The following KCNK3 variants were observed in gnomAD, a reference collection of about 807,000 sequenced individuals.
KCNK3 encodes potassium two pore domain channel subfamily K member 3, also known as potassium channel subfamily K member 3.
A neutral mutation model predicts 27.3 loss-of-function variants in KCNK3; 9 were observed. The ratio of observed to expected loss-of-function variants is 0.33; its 90% CI spans 0.20 to 0.57. The LOEUF is 0.57. KCNK3 is among the 20% of genes least tolerant of loss of function. The pLI, the probability that KCNK3 is intolerant of heterozygous loss-of-function variation, is 0.87. For synonymous variants in KCNK3, 278 were observed against 273.8 expected (o/e 1.02, Z -0.15); for missense variants, 391 against 577.7 (o/e 0.68, Z 3.31).
intron 1 of KCNK3, among the ~76,000 whole-genome samples, chr2:26,705,593 A>G (rs1670362788): frequency 6.6e-6 from 1 of 152,112 alleles, no homozygotes; most frequent in South Asian, 2.1e-4. Context: ...CCCCCTTGAC[A>G]GTGGCAGAAA....
In KCNK3 at chr2:26,702,489, GCT is replaced by G. The variant is rs566043223; in HGVS notation, c.283+9334_283+9335del. Among the ~76,000 whole-genome samples the G allele has an allele frequency of 2.0e-3, 310 of 152,284 alleles. 2 individuals carry two copies. Among genetic ancestry groups the G allele is most frequent in the Middle Eastern group, 0.014 (4 of 294 alleles). Reference sequence around the variant, plus strand: ...ATTGTGAGGTGAAAGAACCAATCTTGCTCTGAGTGTGTCCAAGGGGTTGAACC... The same window carrying G: ...ATTGTGAGGTGAAAGAACCAATCTTGCTGAGTGTGTCCAAGGGGTTGAACC... On this transcript the variant is annotated intron_variant, in intron 1 of 1. Transcript: ENST00000302909.
chr2:26,718,260 C>G (rs964372166), intron 1 of KCNK3, among the ~76,000 whole-genome samples: 2 of 152,148 alleles, frequency 1.3e-5, no homozygotes, highest in Non-Finnish European at 2.9e-5. Context: ...TGAGCACAGC[C>G]CTCCCCTGCT....
In KCNK3 at chr2:26,693,322, C is replaced by T. The variant is rs908780971; in HGVS notation, c.283+164C>T. ...AGTTCAGCCTGGCGTGTGTGCTCCG[C>T]GGGGACGGAACTCGGGGAGGCGTCG... On this transcript the variant is annotated intron_variant, in intron 1 of 1. Coordinates refer to ENST00000302909, the MANE Select transcript of KCNK3 (RefSeq NM_002246.3). This position sits in a 1 kb window ranked among gnomAD's most constrained non-coding sequence, Gnocchi z 5.5. Among the ~76,000 whole-genome samples, 1 of 152,152 alleles carries T rather than the reference C, an allele frequency of 6.6e-6. No homozygotes were observed. The highest frequency in any genetic ancestry group is 2.4e-5 in the African/African-American group (1 of 41,450).
Position 26,707,142 on chromosome 2 carries a change from C to A in KCNK3, c.283+13984C>A, listed in dbSNP as rs573060402. 2.0e-5 allele frequency among the ~76,000 whole-genome samples: 3 copies of A among 152,304 alleles called. No homozygotes were observed. In the East Asian group the frequency reaches 5.8e-4, roughly 29 times the overall value. On this transcript the variant is annotated intron_variant, in intron 1 of 1. Transcript: ENST00000302909. ...AAGTCACCCCTTGCTGGAAAGAGAG[C>A]ATTCTTGAGTGTGGCCGAGGTCCTG... is the stretch of plus-strand genomic sequence containing the variant.
intron 1 of KCNK3, among the ~76,000 whole-genome samples, chr2:26,698,847 G>A (rs1195602923): frequency 6.6e-6 from 1 of 152,120 alleles, no homozygotes; most frequent in Non-Finnish European, 1.5e-5. Context: ...TGTAATCCCA[G>A]CACTTTGGGA....
intron 1 of KCNK3, among the ~76,000 whole-genome samples, chr2:26,708,315 TGAG>T (rs1326118911): frequency 2.0e-5 from 3 of 151,888 alleles, no homozygotes; most frequent in African/African-American, 7.3e-5. Context: ...CTGAGTGAAG[TGAG>T]GAGAAGAGGC....
At chr2:26,709,001 G>A (rs1572606719) in intron 1 of KCNK3, among the ~76,000 whole-genome samples, 3 of 152,302 alleles carry the variant, frequency 2.0e-5, no homozygotes, top group Admixed American at 6.5e-5. Context: ...TGATGGGTAC[G>A]ATACATATGT....
intron 1 of KCNK3, among the ~76,000 whole-genome samples, chr2:26,704,810 C>A (rs1051599886): frequency 6.6e-6 from 1 of 152,248 alleles, no homozygotes; most frequent in Non-Finnish European, 1.5e-5. Context: ...GATCTTACCC[C>A]CAACATGGAG....
chr2:26,718,016 A>C (rs1468906938), intron 1 of KCNK3, among the ~76,000 whole-genome samples: 1 of 152,024 alleles, frequency 6.6e-6, no homozygotes, highest in Non-Finnish European at 1.5e-5. Context: ...AGGGCATCCC[A>C]CACACCATGC....
At chr2:26,705,211 G>A (rs1670357948) in intron 1 of KCNK3, among the ~76,000 whole-genome samples, 1 of 151,998 alleles carries the variant, frequency 6.6e-6, no homozygotes, top group African/African-American at 2.4e-5. Context: ...CTCCCATCTC[G>A]GCCTCCCAAA....
At chr2:26,708,502 T>C (rs576151234) in intron 1 of KCNK3, among the ~76,000 whole-genome samples, 106 of 152,216 alleles carry the variant, frequency 7.0e-4, no homozygotes, top group African/African-American at 2.4e-3. Flanking sequence ...GGTGAAACCC[T>C]GTCTCTACTA....
chr2:26,727,572 G>C, intron 1 of KCNK3, 95 bp from the exon 2 acceptor site: 3 of 1,486,034 alleles, frequency 2.0e-6, no homozygotes, highest in Non-Finnish European at 2.7e-6. Context: ...CCACAAGGTG[G>C]GGGAGGTGGC....
chr2:26,718,468 T>A (rs1319269376), intron 1 of KCNK3, among the ~76,000 whole-genome samples: 1 of 152,196 alleles, frequency 6.6e-6, no homozygotes. Context: ...CTTACAAAAG[T>A]AATAGTTTTT....
At chr2:26,714,321 G>T (rs963286483) in intron 1 of KCNK3, among the ~76,000 whole-genome samples, 5 of 150,808 alleles carry the variant, frequency 3.3e-5, no homozygotes, top group Admixed American at 2.0e-4. Flanking sequence ...AGCTGCAACT[G>T]CAGGCGACAC....
At chr2:26,717,394 C>G (rs1663251068) in intron 1 of KCNK3, among the ~76,000 whole-genome samples, 1 of 152,170 alleles carries the variant, frequency 6.6e-6, no homozygotes, top group South Asian at 2.1e-4. Context: ...ATGGGCTCAA[C>G]AGGAAAGGCC....
At position 26,693,200 on chromosome 2, in the gene KCNK3, C is replaced by A; in HGVS notation, c.283+42C>A. On this transcript the variant is annotated intron_variant, in intron 1 of 1. Transcript: ENST00000302909. The surrounding 1 kb of genome is among the most constrained non-coding windows in gnomAD (Gnocchi z 5.5). Reference sequence around the variant, plus strand: ...CGGGGGGCGGGAACCCAGGGCTGGGCGCGGGGCTCCGGGAGTCGTCCGGGG... The same window carrying A: ...CGGGGGGCGGGAACCCAGGGCTGGGAGCGGGGCTCCGGGAGTCGTCCGGGG... The A allele has an allele frequency of 8.3e-7, 1 of 1,205,332 alleles. No homozygotes were observed. Among genetic ancestry groups the A allele is most frequent in the South Asian group, 1.8e-5 (1 of 55,778 alleles). 74.7% of individuals were successfully genotyped at this position (1,205,332 alleles called of 1,614,324 possible). A position where few individuals can be genotyped will look rare whatever the true frequency, so the allele number is the denominator to read the frequency against.
chr2:26,724,105 T>A (rs1298546555), intron 1 of KCNK3, among the ~76,000 whole-genome samples: 1 of 152,158 alleles, frequency 6.6e-6, no homozygotes, highest in African/African-American at 2.4e-5. Context: ...TCCCAGAAGC[T>A]CCAGGGCCCC....
intron 1 of KCNK3, among the ~76,000 whole-genome samples, chr2:26,713,942 A>G (rs2148263424): frequency 6.6e-6 from 1 of 150,882 alleles, no homozygotes; most frequent in African/African-American, 2.4e-5. Context: ...CAGGCGTGGT[A>G]GTGGGCACCT....
chr2:26,728,407 C>A lies in KCNK3; in HGVS notation c.1024C>A (p.Gln342Lys). 1 of 1,595,592 alleles carries A rather than the reference C, an allele frequency of 6.3e-7. No individual in the cohort carries two copies. The highest frequency in any genetic ancestry group is 8.6e-7 in the Non-Finnish European group (1 of 1,167,866). The change falls in exon 2 of 2, where the codon CAG (glutamine) becomes AAG (lysine). Residue 342 changes from glutamine (Q) to lysine (K), a missense_variant. Gln to Lys is a moderately conservative substitution (Grantham distance 53, BLOSUM62 1). Transcript: ENST00000302909. ...CTCCACGTCCGACACGTGCGTGGAG[C>A]AGAGCCACTCGTCGCCGGGAGGGGG... ...DLSTSDTCVE[Q>K]SHSSPGGGGR...
Sources: allele counts gnomAD v4.1 joint callset (sites outside exome capture counted in the v4.1 genomes callset), GRCh38; gene constraint gnomAD v4.1.1; non-coding constraint Gnocchi (gnomAD v3.1); transcripts MANE v1.5; gene names NCBI Gene and HGNC (gene_info 2026-07-23, HGNC 2026-07-21).